The following LRRK1 variants were observed in gnomAD, a reference collection of about 807,000 sequenced individuals.
LRRK1 encodes the protein leucine rich repeat kinase 1.
Under a neutral mutation model 209.1 loss-of-function variants are expected in LRRK1, and 113 were observed. The ratio of observed to expected loss-of-function variants is 0.54; its 90% CI spans 0.46 to 0.63. LRRK1 has a LOEUF of 0.63. LRRK1 is among the 30% of genes least tolerant of loss of function. The pLI, the probability that LRRK1 is intolerant of heterozygous loss-of-function variation, is 0.00. For synonymous variants in LRRK1, 1,144 were observed against 1,099.7 expected (o/e 1.04, Z -0.80); for missense variants, 2,284 against 2,632.2 (o/e 0.87, Z 2.89).
intron 28 of LRRK1, 43 bp downstream of exon 28, chr15:101,057,093 T>C: frequency 6.6e-7 from 1 of 1,516,164 alleles, no homozygotes. Flanking sequence ...CCTCCTGCCA[T>C]GTGAGGAAGC....
intron 2 of LRRK1, among the ~76,000 whole-genome samples, chr15:100,934,430 G>A (rs1018100860): frequency 2.0e-5 from 3 of 152,058 alleles, no homozygotes; most frequent in Non-Finnish European, 4.4e-5. Context: ...CCAGATGCTG[G>A]GGACACAGCA....
chr15:101,010,950 TAGAA>T, intron 9 of LRRK1, 113 bp downstream of exon 9: 2 of 900,122 alleles, frequency 2.2e-6, no homozygotes, highest in South Asian at 3.5e-5. Flanking sequence ...CGAAGCCGGG[TAGAA>T]GGGCCCGGTT....
In LRRK1 at chr15:101,066,554, C is replaced by T. The variant is rs889405476; in HGVS notation, c.5769-86C>T. ...GAAACTGCATGTCTGTTGCCTCCCT[C>T]CCGCACCTTTCTGCACACCGGCTTC... is the stretch of plus-strand genomic sequence containing the variant. On this transcript the variant is annotated intron_variant, in intron 32 of 33. Coordinates refer to ENST00000388948, the MANE Select transcript of LRRK1 (RefSeq NM_024652.6). 2.8e-5 allele frequency: 34 copies of T among 1,235,894 alleles called. No individual in the cohort carries two copies. The African/African-American group carries it at 4.1e-4, about 15-fold the overall frequency. The allele number at this position is 1,235,894 out of a possible 1,614,324, so 76.6% of individuals were successfully genotyped here.
intron 2 of LRRK1, among the ~76,000 whole-genome samples, chr15:100,947,058 C>T (rs2042553185): frequency 6.6e-6 from 1 of 152,150 alleles, no homozygotes; most frequent in Admixed American, 6.5e-5. Context: ...CAACCTCCGC[C>T]TCCCAGCTTC....
At chr15:100,941,328 C>CTGTGTG (rs1491189485) in intron 2 of LRRK1, among the ~76,000 whole-genome samples, 1 of 82,712 alleles carries the variant, frequency 1.2e-5, no homozygotes, top group African/African-American at 6.1e-5. Flanking sequence ...GTGTGTGTGT[C>CTGTGTG]TGTGTCTCTG....
intron 21 of LRRK1, among the ~76,000 whole-genome samples, chr15:101,048,207 A>G (rs778253692): frequency 1.3e-5 from 2 of 151,996 alleles, no homozygotes; most frequent in Non-Finnish European, 2.9e-5. Context: ...TATTTTCTAC[A>G]TTTTCTAATA....
At chr15:101,043,523 G>C (rs2034880179) in intron 20 of LRRK1, among the ~76,000 whole-genome samples, 1 of 152,214 alleles carries the variant, frequency 6.6e-6, no homozygotes, top group African/African-American at 2.4e-5. Flanking sequence ...GGTTAGAGGA[G>C]TGAGGAGATA....
intron 20 of LRRK1, among the ~76,000 whole-genome samples, chr15:101,030,797 G>A (rs1261364487): frequency 6.6e-6 from 1 of 152,184 alleles, no homozygotes; most frequent in Non-Finnish European, 1.5e-5. Flanking sequence ...TCGGGGTACA[G>A]TTGGTATTTG....
chr15:101,065,126 ATTCCT>A, intron 31 of LRRK1: 1 of 588,198 alleles, frequency 1.7e-6, no homozygotes, highest in Non-Finnish European at 3.0e-6. Flanking sequence ...TGGGTGGCAC[ATTCCT>A]TTCTTTGCTG....
rs2033915826 is a variant in LRRK1, at chr15:101,024,122, C to G, written c.2068-681C>G. ...GTGAAGGCTGAGCCCGCCGCTCTCT[C>G]TGTGGCCGGCCTCAGCCAGTTGAGA... On this transcript the variant is annotated intron_variant, in intron 15 of 33. Transcript: ENST00000388948. This position sits in a 1 kb window ranked among gnomAD's most constrained non-coding sequence, Gnocchi z 4.6. 6.6e-6 allele frequency among the ~76,000 whole-genome samples: 1 copy of G among 152,200 alleles called. No individual in the cohort carries two copies. Among genetic ancestry groups the G allele is most frequent in the Non-Finnish European group, 1.5e-5 (1 of 68,036 alleles).
At chr15:100,929,138 C>T (rs2042165011) in intron 2 of LRRK1, among the ~76,000 whole-genome samples, 2 of 152,204 alleles carry the variant, frequency 1.3e-5, no homozygotes, top group African/African-American at 2.4e-5. Flanking sequence ...CCAGTCCCGC[C>T]AGCCAAGGAG....
intron 28 of LRRK1, 21 bp from the exon 29 acceptor site, chr15:101,057,969 C>G (rs1218467825): frequency 1.3e-5 from 21 of 1,613,646 alleles, no homozygotes; most frequent in Non-Finnish European, 1.6e-5. Flanking sequence ...TTGCTCTCTT[C>G]TGGTGGCTTC....
Position 100,989,633 on chromosome 15 carries a change from C to A in LRRK1, c.762+235C>A, listed in dbSNP as rs545773605. Reference sequence around the variant, plus strand: ...GGGAAGAACTCACTTTTATAACAACCCACCCTCAAAATAACAAACCCACTT... The same window carrying A: ...GGGAAGAACTCACTTTTATAACAACACACCCTCAAAATAACAAACCCACTT... On this transcript the variant is annotated intron_variant, in intron 6 of 33. Transcript: ENST00000388948. 27 of 581,744 alleles carry A rather than the reference C, an allele frequency of 4.6e-5. No homozygotes were observed. In the Admixed American group the frequency reaches 8.2e-4, roughly 18 times the overall value. 36.0% of individuals were successfully genotyped at this position (581,744 alleles called of 1,614,324 possible). A position where few individuals can be genotyped will look rare whatever the true frequency, so the allele number is the denominator to read the frequency against.
chr15:101,001,349 G>A (rs533190505), intron 6 of LRRK1, among the ~76,000 whole-genome samples: 6 of 152,308 alleles, frequency 3.9e-5, no homozygotes, highest in South Asian at 2.1e-4. Flanking sequence ...AATCACTGGC[G>A]TCATGCAGAT....
intron 21 of LRRK1, among the ~76,000 whole-genome samples, chr15:101,046,848 C>T (rs1157939407): frequency 6.6e-6 from 1 of 152,180 alleles, no homozygotes. Context: ...TACAGGAAGG[C>T]GTCCCCGCTG....
In LRRK1 at chr15:101,064,232, G is replaced by A. The variant is rs186071710; in HGVS notation, c.4915-1120G>A. Among the ~76,000 whole-genome samples the A allele has an allele frequency of 5.9e-5, 9 of 152,378 alleles. No homozygotes were observed. In the East Asian group the frequency reaches 1.7e-3, roughly 29 times the overall value. ...ATGGATTTCGATACGCTTTCTTAGA[G>A]CATGTTGTCCTGGACAGTGAGCTAC... On this transcript the variant is annotated intron_variant, in intron 31 of 33. Coordinates refer to ENST00000388948, the MANE Select transcript of LRRK1 (RefSeq NM_024652.6).
chr15:100,941,472 G>GTCTGTGTGTGTGTCTGTGTGTGTCTA (rs1567191284), intron 2 of LRRK1, among the ~76,000 whole-genome samples: 8 of 145,902 alleles, frequency 5.5e-5, no homozygotes, highest in African/African-American at 2.0e-4. Context: ...CTCTGTGTGT[G>GTCTGTGTGTGTGTCTGTGTGTGTCTA]TGTGTGTGTG....
At chr15:100,951,082 T>G (rs34270489) in intron 2 of LRRK1, among the ~76,000 whole-genome samples, 15,877 of 152,150 alleles carry the variant, frequency 0.1, 880 homozygotes, top group Non-Finnish European at 0.13. Flanking sequence ...CAGCCTGGGC[T>G]ACAGAGTGAG....
chr15:101,012,484 G>T (rs2033302583), intron 10 of LRRK1, among the ~76,000 whole-genome samples: 1 of 152,298 alleles, frequency 6.6e-6, no homozygotes, highest in South Asian at 2.1e-4. Context: ...CCCAGAATAC[G>T]GGTACCTTCT....
Sources: gnomAD v4.1 joint callset for allele counts (sites outside exome capture counted in the v4.1 genomes callset) on GRCh38, gnomAD v4.1.1 for gene constraint, Gnocchi (gnomAD v3.1) non-coding constraint, MANE v1.5 for transcripts, NCBI Gene and HGNC (gene_info 2026-07-23, HGNC 2026-07-21) for gene names.